The following UPK1B variants were observed in gnomAD, a reference collection of about 807,000 sequenced individuals.
UPK1B encodes the protein uroplakin-1b.
In UPK1B, 28 loss-of-function variants were observed where a neutral mutation model predicts 34.2. The ratio of observed to expected loss-of-function variants is 0.82; its 90% CI spans 0.61 to 1.12. UPK1B has a LOEUF of 1.12. Ranked by LOEUF, UPK1B falls within the 50% of genes most tolerant of loss-of-function variation. UPK1B has a pLI of 0.00. For missense variants in UPK1B, 325 were observed against 320.9 expected (o/e 1.01, Z -0.10); for synonymous variants, 81 against 110.4 (o/e 0.73, Z 1.67).
At chr3:119,188,831 C>T (rs2078031312) in intron 3 of UPK1B, among the ~76,000 whole-genome samples, 1 of 152,170 alleles carries the variant, frequency 6.6e-6, no homozygotes, top group African/African-American at 2.4e-5. Context: ...CCTCAGTTCC[C>T]CCTTTATAGA....
intron 1 of UPK1B, among the ~76,000 whole-genome samples, chr3:119,178,327 G>A (rs1314164296): frequency 2.0e-5 from 3 of 152,230 alleles, no homozygotes; most frequent in Non-Finnish European, 4.4e-5. Flanking sequence ...AGAGTGGGGG[G>A]ACAAGTGATG....
chr3:119,196,689 G>A (rs207463653), intron 6 of UPK1B, among the ~76,000 whole-genome samples: 24 of 151,884 alleles, frequency 1.6e-4, no homozygotes, highest in East Asian at 5.8e-4. Context: ...ACAGGTGCAC[G>A]CAACCACACC....
intron 1 of UPK1B, among the ~76,000 whole-genome samples, chr3:119,177,884 T>C (rs2077964572): frequency 6.6e-6 from 1 of 152,302 alleles, no homozygotes; most frequent in Non-Finnish European, 1.5e-5. Context: ...TCAGCTTCCC[T>C]GGAGAGCTAT....
chr3:119,174,450 T>C (rs2077943207), intron 1 of UPK1B, among the ~76,000 whole-genome samples: 1 of 152,196 alleles, frequency 6.6e-6, no homozygotes, highest in Non-Finnish European at 1.5e-5. Flanking sequence ...GTTTTAAAGA[T>C]TTTTAAGCCA....
chr3:119,189,761 T>C (rs990109213), intron 3 of UPK1B, among the ~76,000 whole-genome samples: 9 of 152,212 alleles, frequency 5.9e-5, no homozygotes, highest in African/African-American at 1.9e-4. Context: ...TTTTCTGAAC[T>C]CCGTGATTCT....
At chr3:119,203,837 C>A (rs1363609169) in intron 7 of UPK1B, 80 bp from the exon 8 acceptor site, 6 of 1,447,192 alleles carry the variant, frequency 4.1e-6, no homozygotes, top group Admixed American at 3.4e-5. Context: ...CCTGAATGAA[C>A]CTAACATCCA....
intron 7 of UPK1B, 107 bp downstream of exon 7, chr3:119,199,247 C>T: frequency 7.7e-7 from 1 of 1,300,986 alleles, no homozygotes; most frequent in East Asian, 2.5e-5. Context: ...GAAACAAAAC[C>T]TCAGGCCTGA....
chr3:119,198,708 G>A (rs1324251874), intron 6 of UPK1B, among the ~76,000 whole-genome samples: 5 of 152,124 alleles, frequency 3.3e-5, no homozygotes, highest in African/African-American at 1.2e-4. Flanking sequence ...AATCACCAAC[G>A]AAGCCTTTGG....
intron 6 of UPK1B, among the ~76,000 whole-genome samples, chr3:119,195,843 C>A (rs187004734): frequency 6.6e-6 from 1 of 152,162 alleles, no homozygotes; most frequent in Non-Finnish European, 1.5e-5. Context: ...AAACCTGAAG[C>A]TTTTCTCAAG....
chr3:119,199,892 T>G (rs953116780), intron 7 of UPK1B, among the ~76,000 whole-genome samples: 8 of 152,334 alleles, frequency 5.3e-5, no homozygotes, highest in African/African-American at 1.7e-4. Flanking sequence ...TCTATTGGCA[T>G]TTACCCCATT....
intron 7 of UPK1B, among the ~76,000 whole-genome samples, chr3:119,202,371 G>A (rs1163063481): frequency 6.6e-6 from 1 of 152,162 alleles, no homozygotes; most frequent in East Asian, 1.9e-4. Flanking sequence ...CTATGACCTT[G>A]GGTAAGTTAC....
chr3:119,178,660 A>G (rs1228430628), intron 1 of UPK1B, among the ~76,000 whole-genome samples: 1 of 152,256 alleles, frequency 6.6e-6, no homozygotes, highest in African/African-American at 2.4e-5. Flanking sequence ...AGCATCCACA[A>G]TTTAAGAAAA....
chr3:119,174,530 G>A (rs941365849), intron 1 of UPK1B, among the ~76,000 whole-genome samples: 4 of 151,394 alleles, frequency 2.6e-5, no homozygotes, highest in Non-Finnish European at 5.9e-5. Context: ...CTGAGGCCAC[G>A]TGATCAGGAG....
At chr3:119,179,260 A>C (rs1037304844) in intron 1 of UPK1B, among the ~76,000 whole-genome samples, 1 of 149,080 alleles carries the variant, frequency 6.7e-6, no homozygotes, top group African/African-American at 2.5e-5. Flanking sequence ...CTAGGAAGTC[A>C]AGGCTGCAGT....
chr3:119,196,076 G>C (rs1480224358), intron 6 of UPK1B, among the ~76,000 whole-genome samples: 1 of 151,934 alleles, frequency 6.6e-6, no homozygotes, highest in Non-Finnish European at 1.5e-5. Flanking sequence ...TCATCACTCA[G>C]CCCTACTCCT....
chr3:119,184,715 G>A (rs778424343), intron 1 of UPK1B, among the ~76,000 whole-genome samples: 1 of 152,080 alleles, frequency 6.6e-6, no homozygotes, highest in African/African-American at 2.4e-5. Flanking sequence ...AACAGAGCAA[G>A]ACTCTGTCTC....
Position 119,194,210 on chromosome 3 carries a change from T to G in UPK1B, c.469-9T>G. 1 of 1,613,326 alleles carries G rather than the reference T, an allele frequency of 6.2e-7. No individual in the cohort carries two copies. Among genetic ancestry groups the G allele is most frequent in the Non-Finnish European group, 8.5e-7 (1 of 1,179,620 alleles). ...GAAAGAGAATTTTGTATCTCTCATC[T>G]GCTGACAGGACAATTGCTGTGGCGT... On this transcript the variant is annotated splice_polypyrimidine_tract_variant and intron_variant, in intron 5 of 7. Coordinates refer to ENST00000264234, the MANE Select transcript of UPK1B (RefSeq NM_006952.4).
In UPK1B at chr3:119,194,317, A is replaced by T; in HGVS notation, c.567A>T (p.Gln189His). 6.8e-6 allele frequency: 11 copies of T among 1,614,060 alleles called. No individual in the cohort carries two copies. The highest frequency in any genetic ancestry group is 9.3e-6 in the Non-Finnish European group (11 of 1,179,932). Reference protein sequence around the residue: ...NNDADYPWPRQCCVMNNLKEP... With the variant: ...NNDADYPWPRHCCVMNNLKEP... Reference sequence around the variant, plus strand: ...ATGCTGACTATCCCTGGCCTCGTCAATGCTGTGTTATGAACAATCTTAAAG... The same window carrying T: ...ATGCTGACTATCCCTGGCCTCGTCATTGCTGTGTTATGAACAATCTTAAAG... Residue 189 changes from glutamine to histidine, a missense_variant, in exon 6 of 8, where the codon CAA becomes CAT. Physicochemically the swap from Gln to His is conservative, Grantham distance 24. Coordinates refer to ENST00000264234, the MANE Select transcript of UPK1B (RefSeq NM_006952.4).
intron 1 of UPK1B, among the ~76,000 whole-genome samples, chr3:119,173,862 T>A (rs777922691): frequency 2.6e-5 from 4 of 152,238 alleles, no homozygotes; most frequent in Non-Finnish European, 5.9e-5. Context: ...GATATAAGTC[T>A]TGTTCTCATT....
Sources: allele counts gnomAD v4.1 joint callset (sites outside exome capture counted in the v4.1 genomes callset), GRCh38; gene constraint gnomAD v4.1.1; transcripts MANE v1.5; gene names NCBI Gene and HGNC (gene_info 2026-07-23, HGNC 2026-07-21).